Variants in ENTREP2 observed in about 807,000 individuals in gnomAD.
ENTREP2 encodes endosomal transmembrane epsin interactor 2.
chr15:29,146,504 T>C, the ENTREP2 span, among the ~76,000 whole-genome samples: 1 of 152,340 alleles, frequency 6.6e-6, no homozygotes, highest in Admixed American at 6.5e-5. Context: ...CGTATATCTA[T>C]GGTCAATTGA....
the ENTREP2 span, among the ~76,000 whole-genome samples, chr15:29,382,054 G>A: frequency 6.6e-6 from 1 of 152,110 alleles, no homozygotes; most frequent in South Asian, 2.1e-4. Context: ...TTTGTGCACT[G>A]CACTAGGTGG....
At chr15:29,521,543 CAT>C in the ENTREP2 span, among the ~76,000 whole-genome samples, 8 of 152,162 alleles carry the variant, frequency 5.3e-5, no homozygotes, top group African/African-American at 1.7e-4. Context: ...GATTTAGAGA[CAT>C]ATCTGTCTTG....
chr15:29,518,911 T>C, the ENTREP2 span, among the ~76,000 whole-genome samples: 8 of 152,150 alleles, frequency 5.3e-5, no homozygotes, highest in Admixed American at 3.3e-4. Context: ...CAAGAGGAAC[T>C]GCTAACTCTT....
chr15:29,384,974 C>A, the ENTREP2 span, among the ~76,000 whole-genome samples: 9 of 152,272 alleles, frequency 5.9e-5, no homozygotes, highest in Admixed American at 3.3e-4. Flanking sequence ...TTCTACTTCC[C>A]ATGTCTACCA....
the ENTREP2 span, among the ~76,000 whole-genome samples, chr15:29,180,814 G>T: frequency 6.6e-6 from 1 of 151,904 alleles, no homozygotes; most frequent in Non-Finnish European, 1.5e-5. Flanking sequence ...TCTCAGAACT[G>T]AATAAAAAAG....
chr15:29,470,018 C>T, the ENTREP2 span, among the ~76,000 whole-genome samples: 18 of 152,144 alleles, frequency 1.2e-4, no homozygotes, highest in African/African-American at 1.9e-4. Context: ...GACAAGCAAG[C>T]CACAGATTCA....
the ENTREP2 span, among the ~76,000 whole-genome samples, chr15:29,589,294 A>T: frequency 6.6e-6 from 1 of 152,158 alleles, no homozygotes; most frequent in Non-Finnish European, 1.5e-5. Flanking sequence ...TCTTTCCATA[A>T]AAAGGTTTTT....
At chr15:29,338,708 C>T in the ENTREP2 span, among the ~76,000 whole-genome samples, 1 of 152,114 alleles carries the variant, frequency 6.6e-6, no homozygotes, top group African/African-American at 2.4e-5. Flanking sequence ...TCCTTCAATA[C>T]CTCTTCAACA....
At chr15:29,244,631 T>C in the ENTREP2 span, among the ~76,000 whole-genome samples, 54 of 152,338 alleles carry the variant, frequency 3.5e-4, no homozygotes, top group African/African-American at 1.0e-3. Context: ...CCTGCAGGCC[T>C]TGGGCCTCCG....
the ENTREP2 span, among the ~76,000 whole-genome samples, chr15:29,345,149 G>A: frequency 1.9e-4 from 29 of 152,164 alleles, no homozygotes; most frequent in African/African-American, 6.8e-4. Context: ...GGTAGTAAGT[G>A]CTTACTAAAT....
At chr15:29,281,668 T>G in the ENTREP2 span, among the ~76,000 whole-genome samples, 90 of 152,328 alleles carry the variant, frequency 5.9e-4, no homozygotes, top group African/African-American at 2.0e-3. Flanking sequence ...GCAACCCCGC[T>G]CTGGACTTGC....
chr15:29,589,874 G>A, the ENTREP2 span, among the ~76,000 whole-genome samples: 1 of 152,200 alleles, frequency 6.6e-6, no homozygotes, highest in Non-Finnish European at 1.5e-5. Context: ...CATCCGGAAG[G>A]TGGGGATTAT....
chr15:29,275,328 G>T, the ENTREP2 span, among the ~76,000 whole-genome samples: 2 of 152,022 alleles, frequency 1.3e-5, no homozygotes, highest in African/African-American at 4.8e-5. Context: ...TTCTTGCTTG[G>T]GAGATGAATA....
chr15:29,432,646 G>A, the ENTREP2 span, among the ~76,000 whole-genome samples: 3 of 152,196 alleles, frequency 2.0e-5, no homozygotes, highest in Non-Finnish European at 2.9e-5. Context: ...CAGGCTGCAG[G>A]AGCCCATGCC....
the ENTREP2 span, among the ~76,000 whole-genome samples, chr15:29,358,526 G>T: frequency 6.6e-6 from 1 of 152,174 alleles, no homozygotes; most frequent in Non-Finnish European, 1.5e-5. Flanking sequence ...GTGCTGGTTG[G>T]TGGGGCCTTC....
chr15:29,415,754 T>C, the ENTREP2 span, among the ~76,000 whole-genome samples: 2 of 152,154 alleles, frequency 1.3e-5, no homozygotes, highest in African/African-American at 2.4e-5. Context: ...GAAAACCCCG[T>C]CGTCTCAGCC....
At chr15:29,542,800 C>A in the ENTREP2 span, among the ~76,000 whole-genome samples, 1 of 152,186 alleles carries the variant, frequency 6.6e-6, no homozygotes, top group African/African-American at 2.4e-5. Context: ...ACTCTGGGTA[C>A]CTCATATAAG....
the ENTREP2 span, among the ~76,000 whole-genome samples, chr15:29,230,651 A>T: frequency 6.6e-6 from 1 of 152,178 alleles, no homozygotes; most frequent in Non-Finnish European, 1.5e-5. Flanking sequence ...AAGTCGCTCA[A>T]CAAAGAAGTA....
At chr15:29,670,857 G>A in the ENTREP2 span, among the ~76,000 whole-genome samples, 1 of 152,180 alleles carries the variant, frequency 6.6e-6, no homozygotes, top group Non-Finnish European at 1.5e-5. Context: ...CTGGCACAGA[G>A]GGCCTAAGAC....
Sources: allele counts gnomAD v4.1 joint callset (sites outside exome capture counted in the v4.1 genomes callset), GRCh38; gene constraint gnomAD v4.1.1; transcripts MANE v1.5; gene names NCBI Gene and HGNC (gene_info 2026-07-23, HGNC 2026-07-21).